NAA50: variants seen among roughly 807,000 people sequenced by gnomAD.
NAA50 encodes N-alpha-acetyltransferase 50.
NAA50 carries 7 observed loss-of-function variants against 20.7 expected under a neutral mutation model. That is an observed-to-expected ratio of 0.34 (90% CI 0.19 to 0.63). The LOEUF is 0.63. NAA50 is among the 30% of genes least tolerant of loss of function. NAA50 has a pLI of 0.75. For synonymous variants in NAA50, 54 were observed against 70.6 expected, an observed-to-expected ratio of 0.77 and a Z score of 1.18; for missense variants, 111 against 199.1, an observed-to-expected ratio of 0.56 and a Z score of 2.66.
chr3:113,740,740 C>CT (rs746025075), intron 1 of NAA50: 3,651 of 148,424 alleles, frequency 0.025, 127 homozygotes, highest in African/African-American at 0.079. Context: ...CACATTTTTT[C>CT]TTTTTTTTTT....
chr3:113,737,041 A>G (rs1708353100), intron 1 of NAA50, among the ~76,000 whole-genome samples: 1 of 152,186 alleles, frequency 6.6e-6, no homozygotes, highest in Non-Finnish European at 1.5e-5. Context: ...AAATGTACCT[A>G]TAGTTATACA....
chr3:113,730,482 C>T (rs553567896), intron 1 of NAA50, among the ~76,000 whole-genome samples: 22 of 151,478 alleles, frequency 1.5e-4, no homozygotes, highest in Non-Finnish European at 2.4e-4. Flanking sequence ...TTAAAGCTTA[C>T]ATAAAATTAA....
At chr3:113,740,160 A>C (rs964777283) in intron 1 of NAA50, among the ~76,000 whole-genome samples, 1 of 152,220 alleles carries the variant, frequency 6.6e-6, no homozygotes, top group Non-Finnish European at 1.5e-5. Flanking sequence ...AATCATTTCA[A>C]CATGTAGTCA....
At position 113,731,123 on chromosome 3, in the gene NAA50, C is replaced by T. The variant is rs1193335920; in HGVS notation, c.9-7028G>A. 3.9e-5 allele frequency among the ~76,000 whole-genome samples: 6 copies of T among 152,180 alleles called. No homozygotes were observed. In the South Asian group the frequency reaches 6.2e-4, roughly 16 times the overall value. On this transcript the variant is annotated intron_variant, in intron 1 of 4. Transcript: ENST00000240922. ...GAGCATCTTTTCATGTATTTCTTTG[C>T]CATTCATGTTATCATCTTTGATAAA...
chr3:113,728,556 A>G (rs747336098), intron 1 of NAA50, among the ~76,000 whole-genome samples: 1 of 152,250 alleles, frequency 6.6e-6, no homozygotes, highest in Non-Finnish European at 1.5e-5. Context: ...ATGTAGTCCG[A>G]AAATCAGTCA....
At chr3:113,733,017 A>ATTT (rs367598474) in intron 1 of NAA50, among the ~76,000 whole-genome samples, 1 of 140,744 alleles carries the variant, frequency 7.1e-6, no homozygotes, top group African/African-American at 2.6e-5. Context: ...GCTATTAGCC[A>ATTT]TTTTTTTTTT....
At chr3:113,738,090 G>C (rs1459298977) in intron 1 of NAA50, among the ~76,000 whole-genome samples, 2 of 152,118 alleles carry the variant, frequency 1.3e-5, no homozygotes, top group African/African-American at 4.8e-5. Context: ...CAAACTGTAT[G>C]CCTGCAAGTA....
Position 113,744,352 on chromosome 3 carries a change from G to A in NAA50, c.8+1590C>T, listed in dbSNP as rs994314248. The stretch of plus-strand genomic sequence containing the variant: ...GGTGGTGCGCGCCTGAGGTCCCACC[G>A]ACTCGGAAGGCTGAGGCGGGAGGAT... On this transcript the variant is annotated intron_variant, in intron 1 of 4. Transcript: ENST00000240922. Among the ~76,000 whole-genome samples, 7 of 151,776 alleles carry A rather than the reference G, an allele frequency of 4.6e-5. No homozygotes were observed. The East Asian group carries it at 7.7e-4, about 17-fold the overall frequency.
At chr3:113,733,615 G>T (rs1405961718) in intron 1 of NAA50, among the ~76,000 whole-genome samples, 1 of 151,990 alleles carries the variant, frequency 6.6e-6, no homozygotes, top group African/African-American at 2.4e-5. Flanking sequence ...ACTTTGGGCG[G>T]CTGAGGCAGG....
At chr3:113,731,691 AC>A (rs2107989825) in intron 1 of NAA50, among the ~76,000 whole-genome samples, 1 of 152,320 alleles carries the variant, frequency 6.6e-6, no homozygotes, top group Admixed American at 6.5e-5. Flanking sequence ...CCTTTACTAG[AC>A]ATTTAATATA....
At chr3:113,731,051 A>G (rs940316291) in intron 1 of NAA50, among the ~76,000 whole-genome samples, 5 of 152,146 alleles carry the variant, frequency 3.3e-5, no homozygotes, top group Non-Finnish European at 7.4e-5. Flanking sequence ...TGTAGTGACA[A>G]TTTATTGTGG....
chr3:113,744,727 A>G (rs1453480806), intron 1 of NAA50, among the ~76,000 whole-genome samples: 1 of 152,258 alleles, frequency 6.6e-6, no homozygotes, highest in East Asian at 1.9e-4. Context: ...ACAATTCAAC[A>G]TTAGAATAAA....
intron 1 of NAA50, among the ~76,000 whole-genome samples, chr3:113,725,108 C>G (rs552027078): frequency 6.6e-6 from 1 of 152,270 alleles, no homozygotes; most frequent in South Asian, 2.1e-4. Context: ...AAGATTAAAG[C>G]GAAAAATTTT....
chr3:113,731,375 T>C (rs1708270688), intron 1 of NAA50, among the ~76,000 whole-genome samples: 1 of 152,206 alleles, frequency 6.6e-6, no homozygotes, highest in South Asian at 2.1e-4. Context: ...TAACTCAAGA[T>C]CACAAAGATT....
chr3:113,745,466 T>G (rs986488607), intron 1 of NAA50, among the ~76,000 whole-genome samples: 7 of 152,156 alleles, frequency 4.6e-5, no homozygotes, highest in African/African-American at 1.7e-4. Context: ...TTATTCCAAT[T>G]TCTTCTTCCT....
intron 1 of NAA50, among the ~76,000 whole-genome samples, chr3:113,728,575 T>C (rs1708230473): frequency 6.6e-6 from 1 of 152,242 alleles, no homozygotes; most frequent in Non-Finnish European, 1.5e-5. Context: ...CAGTTTGATA[T>C]GGCTAAAACA....
rs543948611 is a variant in NAA50 at position 113,741,005 on chromosome 3, A to G, written c.8+4937T>C. The G allele has an allele frequency of 3.4e-4, 169 of 497,682 alleles. 1 individual carries two copies. Among genetic ancestry groups the G allele is most frequent in the South Asian group, 1.5e-3 (96 of 62,852 alleles). The allele number at this position is 497,682 out of a possible 1,614,324, so 30.8% of individuals were successfully genotyped here. A position where few individuals can be genotyped will look rare whatever the true frequency, so the allele number is the denominator to read the frequency against. On this transcript the variant is annotated intron_variant, in intron 1 of 4. Transcript: ENST00000240922. ...GAGACACTGTATCTCCTTCTTTTAC[A>G]TAACATTAACAGTTACTTTTCTAAT...
Position 113,720,396 on chromosome 3 carries a change from C to T in NAA50, c.*1364G>A, listed in dbSNP as rs62265553. 1 of 152,512 alleles carries T rather than the reference C, an allele frequency of 6.6e-6. No homozygotes were observed. The highest frequency in any genetic ancestry group is 2.1e-4 in the South Asian group (1 of 4,818). 9.4% of individuals were successfully genotyped at this position (152,512 alleles called of 1,614,324 possible). ...ACATTTCTAAATAGTGGAGATGGGA[C>T]TACAAAAGGAAAACATGAATATTTC... On this transcript the variant is annotated 3_prime_UTR_variant, in exon 5 of 5. Coordinates refer to ENST00000240922, the MANE Select transcript of NAA50 (RefSeq NM_025146.4).
intron 1 of NAA50, 55 bp downstream of exon 1, chr3:113,745,887 G>A (rs889090661): frequency 4.4e-5 from 70 of 1,579,268 alleles, no homozygotes; most frequent in Non-Finnish European, 5.2e-5. Context: ...CCCTCTACAT[G>A]GGCCCGGACC....
Sources: allele counts gnomAD v4.1 joint callset (sites outside exome capture counted in the v4.1 genomes callset), GRCh38; gene constraint gnomAD v4.1.1; transcripts MANE v1.5; gene names NCBI Gene and HGNC (gene_info 2026-07-23, HGNC 2026-07-21).